The following ADSS2 variants were observed in gnomAD, a reference collection of about 807,000 sequenced individuals.
ADSS2 encodes adenylosuccinate synthase 2.
A neutral mutation model predicts 60.0 loss-of-function variants in ADSS2; 30 were observed. The observed-to-expected ratio is 0.50, with a 90% CI of 0.37 to 0.68. The LOEUF (loss-of-function observed/expected upper bound fraction) is 0.68. ADSS2 is among the 30% of genes least tolerant of loss of function. ADSS2 has a pLI of 0.00. For missense variants in ADSS2, 373 were observed against 554.8 expected (o/e 0.67, Z 3.29); for synonymous variants, 187 against 193.1 (o/e 0.97, Z 0.26).
In ADSS2 at chr1:244,418,845, G is replaced by A; in HGVS notation, c.860C>T (p.Pro287Leu). Residue 287 changes from proline (P) to leucine (L), a missense_variant, in exon 9 of 13, where the codon CCT (proline) becomes CTT (leucine). By Grantham distance (98) the Pro-to-Leu change is moderately conservative (BLOSUM62 -3). Coordinates refer to ENST00000366535, the MANE Select transcript of ADSS2 (RefSeq NM_001126.5). The part of the protein sequence containing the change: ...GGVCTGLGMP[P>L]QNVGEVYGVV... ...TCCATACACTTCTCCAACATTTTGA[G>A]GTGGCATACCCAAACCAGTACAAAC... The A allele has an allele frequency of 6.2e-7, 1 of 1,613,910 alleles. No homozygotes were observed. The highest frequency in any genetic ancestry group is 8.5e-7 in the Non-Finnish European group (1 of 1,179,902).
Position 244,446,564 on chromosome 1 carries a change from A to AC in ADSS2, c.183+5070_183+5071insG, listed in dbSNP as rs150566020. Among the ~76,000 whole-genome samples, 415 of 152,352 alleles carry AC rather than the reference A, an allele frequency of 2.7e-3. 1 individual carries two copies. The highest frequency in any genetic ancestry group is 0.01 in the Middle Eastern group (3 of 294). ...CATACACACATAAATGTCACAAATGATGAAAACCTCAGATACCTTATATTT... is the reference window on the plus strand; with the variant it reads ...CATACACACATAAATGTCACAAATGACTGAAAACCTCAGATACCTTATATTT... On this transcript the variant is annotated intron_variant, in intron 1 of 12. Coordinates refer to ENST00000366535, the MANE Select transcript of ADSS2 (RefSeq NM_001126.5).
At chr1:244,409,724 T>G (rs1664370148) in intron 12 of ADSS2, 86 bp from the exon 13 acceptor site, 3 of 1,054,906 alleles carry the variant, frequency 2.8e-6, no homozygotes. Flanking sequence ...TCCCCTACTT[T>G]TCTCAGTATC....
intron 1 of ADSS2, among the ~76,000 whole-genome samples, chr1:244,442,008 A>C (rs1665260628): frequency 6.6e-6 from 1 of 152,226 alleles, no homozygotes; most frequent in Non-Finnish European, 1.5e-5. Flanking sequence ...AAGGTTAAAA[A>C]TAAACTACTC....
intron 9 of ADSS2, among the ~76,000 whole-genome samples, chr1:244,418,137 C>T (rs1196896603): frequency 6.6e-6 from 1 of 152,080 alleles, no homozygotes; most frequent in East Asian, 1.9e-4. Flanking sequence ...TATCATAATG[C>T]CCTTCTGAAG....
intron 1 of ADSS2, among the ~76,000 whole-genome samples, chr1:244,443,859 C>T (rs1304831005): frequency 7.9e-5 from 12 of 152,160 alleles, no homozygotes; most frequent in Admixed American, 7.9e-4. Flanking sequence ...TCTCCAGCCA[C>T]GTGCTGACAC....
At chr1:244,411,249 GA>G in intron 12 of ADSS2, 37 bp downstream of exon 12, 1 of 1,555,710 alleles carries the variant, frequency 6.4e-7, no homozygotes, top group Non-Finnish European at 8.7e-7. Context: ...GAGAGAGAGA[GA>G]AAAGAAAAAA....
At chr1:244,425,456 T>C (rs572525470) in intron 4 of ADSS2, among the ~76,000 whole-genome samples, 117 of 152,320 alleles carry the variant, frequency 7.7e-4, no homozygotes, top group Non-Finnish European at 1.1e-3. Context: ...TATAAGGTTC[T>C]TGGGATTAGT....
chr1:244,423,773 A>C (rs1007141183), intron 6 of ADSS2, among the ~76,000 whole-genome samples, 180 bp downstream of exon 6: 2 of 152,214 alleles, frequency 1.3e-5, no homozygotes, highest in African/African-American at 4.8e-5. Flanking sequence ...TATTTCATGA[A>C]GTTAATCTGT....
At chr1:244,422,215 A>C (rs188881259) in intron 7 of ADSS2, among the ~76,000 whole-genome samples, 48 of 152,348 alleles carry the variant, frequency 3.2e-4, no homozygotes, top group Non-Finnish European at 1.5e-4. Flanking sequence ...ACTTATCTAT[A>C]GATGAGAAGA....
chr1:244,437,189 A>G (rs2148008855), intron 2 of ADSS2, among the ~76,000 whole-genome samples: 2 of 152,290 alleles, frequency 1.3e-5, no homozygotes, highest in South Asian at 4.1e-4. Context: ...GTATCTTTCA[A>G]GTTGGGGAAT....
At chr1:244,447,728 C>A (rs1478522408) in intron 1 of ADSS2, among the ~76,000 whole-genome samples, 2 of 152,000 alleles carry the variant, frequency 1.3e-5, no homozygotes, top group Non-Finnish European at 2.9e-5. Context: ...AAATGTTAAT[C>A]CAAGGAATGC....
Position 244,411,290 on chromosome 1 carries a change from G to A in ADSS2, c.1315C>T (p.Pro439Ser), listed in dbSNP as rs762699405. 1 of 1,604,840 alleles carries A rather than the reference G, an allele frequency of 6.2e-7. No individual in the cohort carries two copies. Among genetic ancestry groups the A allele is most frequent in the East Asian group, 2.2e-5 (1 of 44,812 alleles). The change falls in exon 12 of 13, where the codon CCA (proline) becomes TCA (serine). Residue 439 changes from proline to serine, a missense_variant. By Grantham distance (74) the Pro-to-Ser change is moderately conservative. This residue lies in a region of ADSS2 where 130 missense variants were observed against 169.4 expected (regional missense o/e 0.77). Coordinates refer to ENST00000366535, the MANE Select transcript of ADSS2 (RefSeq NM_001126.5). ...TTCACAAAGTGTTTATGTTTACCTG[G>A]AATTTGAAGCTCATCTTCAATAAAT... is the stretch of plus-strand genomic sequence containing the variant. ...VRFIEDELQI[P>S]VKWIGVGKSR...
At chr1:244,418,935 T>G in intron 8 of ADSS2, 21 bp from the exon 9 acceptor site, 1 of 1,557,886 alleles carries the variant, frequency 6.4e-7, no homozygotes, top group African/African-American at 1.4e-5. Context: ...AAACAGACAT[T>G]AAAATATAGT....
In ADSS2 at chr1:244,434,177, T is replaced by C. The variant is rs112301339; in HGVS notation, c.356-1582A>G. On this transcript the variant is annotated intron_variant, in intron 3 of 12. Coordinates refer to ENST00000366535, the MANE Select transcript of ADSS2 (RefSeq NM_001126.5). ...GGGTGACACAGAAAGACCCCATCTC[T>C]ACAAAAAAAAAAAAAAAAAATTAAA... Among the ~76,000 whole-genome samples, 878 of 108,142 alleles carry C rather than the reference T, an allele frequency of 8.1e-3. 12 individuals carry two copies. The highest frequency in any genetic ancestry group is 0.029 in the African/African-American group (836 of 28,370). 70.9% of individuals were successfully genotyped at this position (108,142 alleles called of 152,430 possible). A position where few individuals can be genotyped will look rare whatever the true frequency, so the allele number is the denominator to read the frequency against.
chr1:244,448,278 T>C (rs1457630976), intron 1 of ADSS2, among the ~76,000 whole-genome samples: 1 of 152,230 alleles, frequency 6.6e-6, no homozygotes, highest in Non-Finnish European at 1.5e-5. Context: ...TTTAGTTTGC[T>C]GCTGATATGT....
intron 1 of ADSS2, among the ~76,000 whole-genome samples, chr1:244,438,136 C>CA (rs1665148811): frequency 3.3e-5 from 5 of 152,200 alleles, no homozygotes; most frequent in African/African-American, 4.8e-5. Context: ...TACACACACA[C>CA]AAAAAATCTC....
intron 4 of ADSS2, among the ~76,000 whole-genome samples, chr1:244,426,209 C>T (rs1005125138): frequency 2.0e-5 from 3 of 152,066 alleles, no homozygotes; most frequent in Non-Finnish European, 2.9e-5. Flanking sequence ...TCTTAGAGTA[C>T]GCCATTCTCA....
intron 2 of ADSS2, among the ~76,000 whole-genome samples, 164 bp downstream of exon 2, chr1:244,437,502 T>C (rs942684837): frequency 7.9e-5 from 12 of 152,140 alleles, no homozygotes; most frequent in Admixed American, 2.0e-4. Flanking sequence ...CAGTGACAAA[T>C]AGCCAAAGTC....
rs1365720773 is a variant in ADSS2 at position 244,423,966 on chromosome 1, C to A, written c.568G>T (p.Gly190Cys). The A allele has an allele frequency of 1.2e-6, 2 of 1,610,894 alleles. No individual in the cohort carries two copies. Among genetic ancestry groups the A allele is most frequent in the African/African-American group, 2.7e-5 (2 of 74,754 alleles). Reference protein sequence around the residue: ...RMCDLVSDFDGFSERFKVLAN... With the variant: ...RMCDLVSDFDCFSERFKVLAN... ...CAAGTTAGTTACCTCTCAGAGAAGC[C>A]ATCAAAGTCAGAAACAAGGTCGCAC... The change falls in exon 6 of 13, where the codon GGC becomes TGC. Residue 190 changes from glycine (G) to cysteine (C), a missense_variant. By Grantham distance (159) the Gly-to-Cys change is radical (BLOSUM62 -3). This residue lies in a region of ADSS2 where 139 missense variants were observed against 189.4 expected (regional missense o/e 0.73). Coordinates refer to ENST00000366535, the MANE Select transcript of ADSS2 (RefSeq NM_001126.5).
Sources: allele counts gnomAD v4.1 joint callset (sites outside exome capture counted in the v4.1 genomes callset), GRCh38; gene constraint gnomAD v4.1.1; regional missense constraint gnomAD v4.1.1; transcripts MANE v1.5; gene names NCBI Gene and HGNC (gene_info 2026-07-23, HGNC 2026-07-21).